The following ARHGAP44 variants were observed in gnomAD, a reference collection of about 807,000 sequenced individuals.
The protein encoded by ARHGAP44 is rho GTPase-activating protein 44.
Under a neutral mutation model 106.8 loss-of-function variants are expected in ARHGAP44, and 43 were observed. The ratio of observed to expected loss-of-function variants is 0.40; its 90% CI spans 0.32 to 0.52. ARHGAP44 has a LOEUF of 0.52. ARHGAP44 is among the 20% of genes least tolerant of loss of function. The pLI, the probability that ARHGAP44 is intolerant of heterozygous loss-of-function variation, is 0.48. For missense variants in ARHGAP44, 866 were observed against 1,050.5 expected (o/e 0.82, Z 2.43); for synonymous variants, 439 against 410.3 (o/e 1.07, Z -0.85).
intron 1 of ARHGAP44, among the ~76,000 whole-genome samples, chr17:12,886,963 AGTTTTTTTTTT>A (rs1057322177): frequency 8.5e-6 from 1 of 118,244 alleles, no homozygotes; most frequent in Non-Finnish European, 1.6e-5. Context: ...GTTTTCTAAG[AGTTTTTTTTTT>A]GTTTTTTTTT....
At chr17:12,924,974 A>G (rs904237140) in intron 6 of ARHGAP44, among the ~76,000 whole-genome samples, 4 of 152,142 alleles carry the variant, frequency 2.6e-5, no homozygotes, top group Admixed American at 6.5e-5. Context: ...GAAACTGTGC[A>G]GGCTATGGAG....
Position 12,958,444 on chromosome 17 carries a change from C to T in ARHGAP44, c.1343-273C>T, listed in dbSNP as rs755356442. Among the ~76,000 whole-genome samples, 2 of 151,636 alleles carry T rather than the reference C, an allele frequency of 1.3e-5. No homozygotes were observed. The highest frequency in any genetic ancestry group is 2.9e-5 in the Non-Finnish European group (2 of 67,954). ...GCATGAGGTTTTAGAAAGATGATTTCATATATTTCAGAAAGTATCCGTTCC... is the reference window on the plus strand; with the variant it reads ...GCATGAGGTTTTAGAAAGATGATTTTATATATTTCAGAAAGTATCCGTTCC... On this transcript the variant is annotated intron_variant, in intron 15 of 20. Coordinates refer to ENST00000379672, the MANE Select transcript of ARHGAP44 (RefSeq NM_014859.6). The surrounding 1 kb of genome is among the most constrained non-coding windows in gnomAD (Gnocchi z 4.1).
intron 1 of ARHGAP44, among the ~76,000 whole-genome samples, chr17:12,813,003 G>A (rs1442875729): frequency 6.6e-6 from 1 of 152,180 alleles, no homozygotes; most frequent in Non-Finnish European, 1.5e-5. Context: ...ACATGCAAGG[G>A]CCTTGGAGTA....
rs774298242 is a variant in ARHGAP44, at chr17:12,990,023, G to A, written c.2318-9G>A. On this transcript the variant is annotated splice_polypyrimidine_tract_variant and intron_variant, in intron 20 of 20. Transcript: ENST00000379672. ...CCTTTCAACCACCTCTCTCTCTGCC[G>A]CCTTCCAGATCTTGTCCACTTTGAT... 9 of 1,594,004 alleles carry A rather than the reference G, an allele frequency of 5.6e-6. No homozygotes were observed. The highest frequency in any genetic ancestry group is 2.2e-5 in the South Asian group (2 of 90,638).
rs1164042244 is a variant in ARHGAP44, at chr17:12,973,193, C to A, written c.1524-109C>A. The A allele has an allele frequency of 3.5e-6, 4 of 1,148,702 alleles. No homozygotes were observed. In the African/African-American group the frequency reaches 4.7e-5, roughly 13 times the overall value. The allele number at this position is 1,148,702 out of a possible 1,614,324, so 71.2% of individuals were successfully genotyped here. A position where few individuals can be genotyped will look rare whatever the true frequency, so the allele number is the denominator to read the frequency against. On this transcript the variant is annotated intron_variant, in intron 16 of 20. Transcript: ENST00000379672. ...TTTATAGCACAATAAAAATCCCACC[C>A]CAAGACCCTGGACCATGGAGAGAGA... is the stretch of plus-strand genomic sequence containing the variant.
At chr17:12,954,371 C>T (rs932624753) in intron 13 of ARHGAP44, among the ~76,000 whole-genome samples, 2 of 152,158 alleles carry the variant, frequency 1.3e-5, no homozygotes, top group Non-Finnish European at 2.9e-5. Context: ...ATCCGAAGAG[C>T]GGGAATCGGG....
intron 1 of ARHGAP44, among the ~76,000 whole-genome samples, chr17:12,822,250 T>A (rs2034792139): frequency 6.6e-6 from 1 of 152,234 alleles, no homozygotes; most frequent in African/African-American, 2.4e-5. Context: ...TAGATCGAGT[T>A]ATAATCATGG....
At chr17:12,977,351 C>T (rs1162377699) in intron 18 of ARHGAP44, among the ~76,000 whole-genome samples, 1 of 152,062 alleles carries the variant, frequency 6.6e-6, no homozygotes, top group Non-Finnish European at 1.5e-5. Flanking sequence ...GATGTTCCCT[C>T]GAGTGGCCGG....
chr17:12,964,500 G>C (rs754650823), intron 16 of ARHGAP44, among the ~76,000 whole-genome samples: 7 of 152,206 alleles, frequency 4.6e-5, no homozygotes, highest in Non-Finnish European at 8.8e-5. Flanking sequence ...GAAGCGACAG[G>C]CTGGGCGCAG....
chr17:12,972,243 G>C (rs1239727914), intron 16 of ARHGAP44, among the ~76,000 whole-genome samples: 1 of 152,164 alleles, frequency 6.6e-6, no homozygotes, highest in East Asian at 1.9e-4. Flanking sequence ...AGAAATGTGA[G>C]CCCTTACCTT....
intron 1 of ARHGAP44, among the ~76,000 whole-genome samples, chr17:12,849,567 CCTT>C (rs1567647329): frequency 1.7e-5 from 2 of 117,326 alleles, no homozygotes; most frequent in East Asian, 5.7e-4. Flanking sequence ...CTACTTTTGT[CCTT>C]TTTTTTTTTT....
chr17:12,956,121 T>C, intron 14 of ARHGAP44, 141 bp downstream of exon 14: 1 of 625,086 alleles, frequency 1.6e-6, no homozygotes, highest in East Asian at 2.8e-5. Context: ...CCTGCTCCTC[T>C]TTTAGGCTGA....
chr17:12,944,546 C>T (rs905514877), intron 10 of ARHGAP44, among the ~76,000 whole-genome samples: 38 of 151,426 alleles, frequency 2.5e-4, no homozygotes, highest in African/African-American at 8.3e-4. Flanking sequence ...AGTGCAGTGG[C>T]GCGATCTTGG....
At chr17:12,856,061 C>T (rs919139341) in intron 1 of ARHGAP44, among the ~76,000 whole-genome samples, 2 of 152,210 alleles carry the variant, frequency 1.3e-5, no homozygotes, top group African/African-American at 4.8e-5. Flanking sequence ...TAGCCGGTAT[C>T]CCCGCAATGG....
At chr17:12,840,077 T>C (rs1276478221) in intron 1 of ARHGAP44, among the ~76,000 whole-genome samples, 1 of 152,236 alleles carries the variant, frequency 6.6e-6, no homozygotes, top group Admixed American at 6.5e-5. Flanking sequence ...TGTGGATATA[T>C]GTATTAACAC....
At chr17:12,807,125 G>A (rs2034297776) in intron 1 of ARHGAP44, among the ~76,000 whole-genome samples, 1 of 152,134 alleles carries the variant, frequency 6.6e-6, no homozygotes, top group Non-Finnish European at 1.5e-5. Context: ...TGTCGTCTCA[G>A]CCTAATGGCC....
intron 18 of ARHGAP44, 21 bp downstream of exon 18, chr17:12,974,331 T>A: frequency 7.2e-7 from 1 of 1,386,590 alleles, no homozygotes; most frequent in Non-Finnish European, 9.3e-7. Flanking sequence ...GCCACTGCCG[T>A]CCGGGCGGGC....
intron 7 of ARHGAP44, among the ~76,000 whole-genome samples, chr17:12,932,002 C>T (rs1044456286): frequency 5.3e-5 from 8 of 151,956 alleles, no homozygotes; most frequent in African/African-American, 1.9e-4. Flanking sequence ...TATCCTTATA[C>T]CCTGGTAATT....
At chr17:12,900,166 G>C (rs1037325063) in intron 3 of ARHGAP44, among the ~76,000 whole-genome samples, 1 of 150,172 alleles carries the variant, frequency 6.7e-6, no homozygotes, top group African/African-American at 2.5e-5. Flanking sequence ...GCCTTGCTCT[G>C]TCGCCCAGGC....
Sources: gnomAD v4.1 joint callset for allele counts (sites outside exome capture counted in the v4.1 genomes callset) on GRCh38, gnomAD v4.1.1 for gene constraint, Gnocchi (gnomAD v3.1) non-coding constraint, MANE v1.5 for transcripts, NCBI Gene and HGNC (gene_info 2026-07-23, HGNC 2026-07-21) for gene names.